ICE2: variants seen among roughly 807,000 people sequenced by gnomAD.
ICE2 encodes the protein interactor of little elongation complex ELL subunit 2.
Under a neutral mutation model 105.4 loss-of-function variants are expected in ICE2, and 87 were observed. The ratio of observed to expected loss-of-function variants is 0.83; its 90% CI spans 0.69 to 0.99. ICE2 has a LOEUF of 0.99. ICE2 is among the 50% of genes least tolerant of loss of function. ICE2 has a pLI of 0.00. For missense variants in ICE2, 1,323 were observed against 1,146.7 expected (o/e 1.15, Z -2.22); for synonymous variants, 399 against 392.0 (o/e 1.02, Z -0.21).
At chr15:60,439,183 A>C (rs2063663656) in intron 12 of ICE2, 1 of 152,186 alleles carries the variant, frequency 6.6e-6, no homozygotes, top group Non-Finnish European at 1.5e-5. Context: ...TTACCTTTAA[A>C]ATTTTTATCA....
rs2141038480 is a variant in ICE2, at chr15:60,443,067, A to T, written c.2296-522T>A. 3 of 152,332 alleles carry T rather than the reference A, an allele frequency of 2.0e-5. 1 individual carries two copies. Among genetic ancestry groups the T allele is most frequent in the Admixed American group, 2.0e-4 (3 of 15,300 alleles). 9.4% of individuals were successfully genotyped at this position (152,332 alleles called of 1,614,324 possible). A position where few individuals can be genotyped will look rare whatever the true frequency, so the allele number is the denominator to read the frequency against. On this transcript the variant is annotated intron_variant, in intron 11 of 15. Transcript: ENST00000261520. Reference sequence around the variant, plus strand: ...AAAGAGCACTAATGCCTACATTAACACCTGTTTGTCATTATCTTCAATTTA... The same window carrying T: ...AAAGAGCACTAATGCCTACATTAACTCCTGTTTGTCATTATCTTCAATTTA...
intron 3 of ICE2, among the ~76,000 whole-genome samples, chr15:60,469,228 A>G (rs1304976839): frequency 2.0e-5 from 3 of 152,200 alleles, no homozygotes; most frequent in East Asian, 3.9e-4. Context: ...GTTCTCACTT[A>G]TAAGTGGGAG....
At chr15:60,452,135 T>C (rs1224437128) in intron 9 of ICE2, 2 of 984,328 alleles carry the variant, frequency 2.0e-6, no homozygotes, top group East Asian at 1.1e-4. Context: ...ATATAAGTTT[T>C]AGGCAGATTT....
At position 60,456,745 on chromosome 15, in the gene ICE2, T is replaced by G; in HGVS notation, c.578A>C (p.Tyr193Ser). The change falls in exon 6 of 16, where the codon TAT (tyrosine) becomes TCT (serine). Residue 193 changes from tyrosine to serine, a missense_variant. Coordinates refer to ENST00000261520, the MANE Select transcript of ICE2 (RefSeq NM_024611.6). ...IEQVKKYSEF[Y>S]TLHEVTSLMG... Reference sequence around the variant, plus strand: ...TAAGCTGGTGACCTCGTGGAGAGTATAGAATTCTGAATACTTTTTCACTTG... The same window carrying G: ...TAAGCTGGTGACCTCGTGGAGAGTAGAGAATTCTGAATACTTTTTCACTTG... The G allele has an allele frequency of 1.9e-6, 3 of 1,557,088 alleles. No homozygotes were observed. Among genetic ancestry groups the G allele is most frequent in the Non-Finnish European group, 2.6e-6 (3 of 1,152,098 alleles).
intron 5 of ICE2, 22 bp from the exon 6 acceptor site, chr15:60,456,816 A>G (rs754016030): frequency 7.0e-7 from 1 of 1,421,238 alleles, no homozygotes; most frequent in Non-Finnish European, 9.4e-7. Context: ...AAATTAAGAA[A>G]AATTCATTTG....
chr15:60,462,879 C>G (rs540005350), intron 5 of ICE2, among the ~76,000 whole-genome samples: 2 of 152,200 alleles, frequency 1.3e-5, no homozygotes, highest in East Asian at 3.9e-4. Flanking sequence ...GTTGAAGATA[C>G]GCATACTCTA....
At chr15:60,445,281 T>C (rs2063798620) in intron 11 of ICE2, among the ~76,000 whole-genome samples, 1 of 152,184 alleles carries the variant, frequency 6.6e-6, no homozygotes, top group Non-Finnish European at 1.5e-5. Context: ...TAGTACCACT[T>C]ACAACATTTT....
intron 6 of ICE2, among the ~76,000 whole-genome samples, chr15:60,456,340 C>T (rs1187884085): frequency 6.7e-6 from 1 of 149,232 alleles, no homozygotes; most frequent in Non-Finnish European, 1.5e-5. Context: ...GTCAGGAGTT[C>T]GAGACCAGCC....
At chr15:60,466,159 G>C (rs1024291214) in intron 5 of ICE2, among the ~76,000 whole-genome samples, 6 of 152,166 alleles carry the variant, frequency 3.9e-5, no homozygotes, top group Non-Finnish European at 8.8e-5. Context: ...AATGAGTGAA[G>C]TATCCAAAAA....
chr15:60,453,329 A>G, intron 9 of ICE2: 1 of 1,178,538 alleles, frequency 8.5e-7, no homozygotes, highest in Non-Finnish European at 1.1e-6. Flanking sequence ...ATAACTAAAA[A>G]CGTGCTCAGC....
intron 5 of ICE2, among the ~76,000 whole-genome samples, chr15:60,464,265 TAAGA>T (rs2064360105): frequency 6.6e-6 from 1 of 152,192 alleles, no homozygotes; most frequent in Non-Finnish European, 1.5e-5. Context: ...TATATTCACC[TAAGA>T]AATATCTACA....
chr15:60,425,545 C>CT (rs2063322723), intron 15 of ICE2, among the ~76,000 whole-genome samples: 1 of 152,128 alleles, frequency 6.6e-6, no homozygotes, highest in Non-Finnish European at 1.5e-5. Flanking sequence ...AAATGGGACC[C>CT]TTAAATACAA....
At chr15:60,453,898 G>A (rs1254031754) in intron 8 of ICE2, 114 bp from the exon 9 acceptor site, 1 of 786,134 alleles carries the variant, frequency 1.3e-6, no homozygotes, top group Non-Finnish European at 2.0e-6. Flanking sequence ...GAGAATGGCA[G>A]CACATGTCCC....
At chr15:60,439,745 T>TC (rs2063680468) in intron 12 of ICE2, 2 of 152,230 alleles carry the variant, frequency 1.3e-5, no homozygotes, top group Non-Finnish European at 2.9e-5. Context: ...TCTGACACTG[T>TC]ATCCTTGGTG....
At position 60,449,360 on chromosome 15, in the gene ICE2, T is replaced by C. The variant is rs1170809661; in HGVS notation, c.1607A>G (p.His536Arg). Residue 536 changes from histidine to arginine, a missense_variant, in exon 10 of 16, where the codon CAT becomes CGT. By Grantham distance (29) the His-to-Arg change is conservative (BLOSUM62 0). Transcript: ENST00000261520. ...AACATTAGGTCTTTCACCATCAGCATGTAATATATCTATAGTCATATCATT... is the reference window on the plus strand; with the variant it reads ...AACATTAGGTCTTTCACCATCAGCACGTAATATATCTATAGTCATATCATT... ...NKNDMTIDIL[H>R]ADGERPNVLE... 2 of 1,613,276 alleles carry C rather than the reference T, an allele frequency of 1.2e-6. No individual in the cohort carries two copies. The highest frequency in any genetic ancestry group is 1.7e-6 in the Non-Finnish European group (2 of 1,179,762).
chr15:60,432,752 C>T (rs186659431), intron 13 of ICE2, among the ~76,000 whole-genome samples: 3 of 151,734 alleles, frequency 2.0e-5, no homozygotes, highest in Non-Finnish European at 2.9e-5. Context: ...ATTAGCCAGG[C>T]GTGGTGGCGG....
intron 14 of ICE2, among the ~76,000 whole-genome samples, chr15:60,431,297 T>C (rs1165901071): frequency 1.3e-5 from 2 of 152,122 alleles, no homozygotes; most frequent in African/African-American, 4.8e-5. Context: ...GTATTATATT[T>C]AATCGTTTTG....
Position 60,477,488 on chromosome 15 carries a change from A to G in ICE2, c.41+449T>C, listed in dbSNP as rs138866328. The stretch of plus-strand genomic sequence containing the variant: ...TACAAAACCACTATATTATTTAACC[A>G]GGTTCTCTATTTGCAAAGTTCTCAT... On this transcript the variant is annotated intron_variant, in intron 2 of 15. Coordinates refer to ENST00000261520, the MANE Select transcript of ICE2 (RefSeq NM_024611.6). Among the ~76,000 whole-genome samples the G allele has an allele frequency of 1.0e-3, 157 of 152,320 alleles. 1 individual carries two copies. The East Asian group carries it at 0.029, about 28-fold the overall frequency.
intron 12 of ICE2, among the ~76,000 whole-genome samples, chr15:60,437,480 C>T (rs1329728099): frequency 2.0e-5 from 3 of 150,988 alleles, no homozygotes; most frequent in Non-Finnish European, 4.4e-5. Flanking sequence ...TACAGGTGCC[C>T]ACCACCAGGC....
Sources: allele counts gnomAD v4.1 joint callset (sites outside exome capture counted in the v4.1 genomes callset), GRCh38; gene constraint gnomAD v4.1.1; transcripts MANE v1.5; gene names NCBI Gene and HGNC (gene_info 2026-07-23, HGNC 2026-07-21).